ANKDD1A: variants seen among roughly 807,000 people sequenced by gnomAD.
ANKDD1A encodes the protein ankyrin repeat and death domain-containing protein 1A.
Under a neutral mutation model 63.5 loss-of-function variants are expected in ANKDD1A, and 59 were observed. That is an observed-to-expected ratio of 0.93 (90% confidence interval 0.75 to 1.15). The LOEUF (loss-of-function observed/expected upper bound fraction) is 1.15, where lower values mean the gene tolerates loss of function less well. ANKDD1A is among the 50% of genes most tolerant of loss of function. The pLI is 0.00. For missense variants in ANKDD1A, 632 were observed against 656.4 expected, an observed-to-expected ratio of 0.96 and a Z score of 0.41; for synonymous variants, 266 against 263.9, an observed-to-expected ratio of 1.01 and a Z score of -0.08.
At chr15:64,934,624 T>C (rs1422456006) in intron 9 of ANKDD1A, among the ~76,000 whole-genome samples, 1 of 150,354 alleles carries the variant, frequency 6.7e-6, no homozygotes, top group African/African-American at 2.4e-5. Flanking sequence ...CTCAGCCTCC[T>C]GAATAGCTGG....
intron 13 of ANKDD1A, 80 bp downstream of exon 13, chr15:64,947,673 C>T: frequency 1.3e-6 from 2 of 1,508,326 alleles, no homozygotes; most frequent in African/African-American, 1.4e-5. Context: ...GTTTTCTGTG[C>T]TTCTGGTGAA....
chr15:64,951,720 C>CATTCTTCCTTTCTTTTCTTTTTCTTT (rs1276132353), intron 14 of ANKDD1A, among the ~76,000 whole-genome samples: 25 of 136,354 alleles, frequency 1.8e-4, no homozygotes, highest in East Asian at 4.3e-4. Context: ...TCTTTTTCTT[C>CATTCTTCCTTTCTTTTCTTTTTCTTT]CCTTTTCTTC....
intron 2 of ANKDD1A, among the ~76,000 whole-genome samples, chr15:64,916,421 G>A (rs988292862): frequency 6.6e-6 from 1 of 151,704 alleles, no homozygotes; most frequent in Non-Finnish European, 1.5e-5. Context: ...ACCTTCCTGG[G>A]CTCAGTTGAT....
At chr15:64,930,025 A>T (rs1436814819) in intron 6 of ANKDD1A, among the ~76,000 whole-genome samples, 3 of 152,184 alleles carry the variant, frequency 2.0e-5, no homozygotes, top group Non-Finnish European at 4.4e-5. Flanking sequence ...GGTCTCCCTC[A>T]TAAGTGGGAG....
intron 9 of ANKDD1A, among the ~76,000 whole-genome samples, chr15:64,935,561 G>T (rs1595852098): frequency 6.6e-6 from 1 of 152,022 alleles, no homozygotes. Context: ...TGTAGTCCCA[G>T]CTACTCAGGA....
At position 64,915,847 on chromosome 15, in the gene ANKDD1A, G is replaced by A. The variant is rs200114325; in HGVS notation, c.85G>A (p.Gly29Ser). ...CGAGGCCGCCCGCCAGAACAATGTC[G>A]GCAGGATGCAGGAGCTGATTGGGAG... is the stretch of plus-strand genomic sequence containing the variant. The part of the protein sequence containing the change: ...LHEAARQNNV[G>S]RMQELIGRRV... The change falls in exon 2 of 15, where the codon GGC (glycine) becomes AGC (serine). Residue 29 changes from glycine (G) to serine (S), a missense_variant. Coordinates refer to ENST00000319580, the MANE Select transcript of ANKDD1A (RefSeq NM_182703.6). 7.5e-4 allele frequency: 1,212 copies of A among 1,613,958 alleles called. 2 individuals are homozygous for A. The highest frequency in any genetic ancestry group is 8.2e-4 in the Non-Finnish European group (968 of 1,180,000).
At chr15:64,952,208 T>TC in intron 14 of ANKDD1A, among the ~76,000 whole-genome samples, 8 of 149,474 alleles carry the variant, frequency 5.4e-5, no homozygotes, top group African/African-American at 2.0e-4. Flanking sequence ...TCTTCTTTCC[T>TC]CTTTCTTCTT....
rs2140383970 is a variant in ANKDD1A, at chr15:64,949,883, T to C, written c.1394T>C (p.Ile465Thr). Residue 465 changes from isoleucine (I) to threonine (T), a missense_variant, in exon 14 of 15, where the codon ATT (isoleucine) becomes ACT (threonine). Coordinates refer to ENST00000319580, the MANE Select transcript of ANKDD1A (RefSeq NM_182703.6). ...YQEHGHRMLL[I>T]WLHGVATAGE... ...GAGCACGGCCACCGAATGCTGCTCA[T>C]TTGGCTGCATGGCGTGGCCACGGCT... is the stretch of plus-strand genomic sequence containing the variant. The C allele has an allele frequency of 6.2e-7, 1 of 1,605,808 alleles. No individual in the cohort carries two copies. The highest frequency in any genetic ancestry group is 1.7e-5 in the Admixed American group (1 of 60,022).
At chr15:64,926,791 A>T (rs2085048484) in intron 5 of ANKDD1A, 110 bp from the exon 6 acceptor site, 1 of 1,112,050 alleles carries the variant, frequency 9.0e-7, no homozygotes, top group African/African-American at 1.5e-5. Flanking sequence ...CTGGGGCAGG[A>T]GAGGCCACTA....
intron 5 of ANKDD1A, 41 bp downstream of exon 5, chr15:64,926,211 G>A (rs1447467676): frequency 7.0e-6 from 11 of 1,576,464 alleles, no homozygotes; most frequent in Non-Finnish European, 7.8e-6. Flanking sequence ...CCATTGGGCG[G>A]GGGGCTCCTG....
rs2085264465 is a variant in ANKDD1A, at chr15:64,950,809, G to A, written c.1483+837G>A. 3.8e-6 allele frequency: 4 copies of A among 1,046,622 alleles called. No homozygotes were observed. In the African/African-American group the frequency reaches 5.4e-5, roughly 14 times the overall value. 64.8% of individuals were successfully genotyped at this position (1,046,622 alleles called of 1,614,324 possible). ...CTCATTTCAGGGTAGAGAGATTAGG[G>A]ACGCTACCTTTCTTTCCCCAAAATG... On this transcript the variant is annotated intron_variant, in intron 14 of 14. Coordinates refer to ENST00000319580, the MANE Select transcript of ANKDD1A (RefSeq NM_182703.6).
chr15:64,939,732 A>G (rs1188720823), intron 9 of ANKDD1A, among the ~76,000 whole-genome samples: 1 of 152,254 alleles, frequency 6.6e-6, no homozygotes, highest in Non-Finnish European at 1.5e-5. Context: ...TGCAAAAGCA[A>G]TTCAGTGGAA....
intron 9 of ANKDD1A, among the ~76,000 whole-genome samples, chr15:64,938,884 G>A (rs755715597): frequency 4.0e-5 from 6 of 151,436 alleles, no homozygotes; most frequent in Admixed American, 6.6e-5. Context: ...GGCGGAGGTC[G>A]CAGTGAGCCG....
chr15:64,930,443 C>T (rs1595850224), intron 6 of ANKDD1A, among the ~76,000 whole-genome samples: 1 of 152,024 alleles, frequency 6.6e-6, no homozygotes, highest in East Asian at 1.9e-4. Flanking sequence ...GAGAAACTAA[C>T]GTCTCACACA....
At chr15:64,936,597 G>A (rs1245160998) in intron 9 of ANKDD1A, among the ~76,000 whole-genome samples, 2 of 152,240 alleles carry the variant, frequency 1.3e-5, no homozygotes, top group East Asian at 3.9e-4. Context: ...CCAACACTTT[G>A]GAAGGCTGAG....
At chr15:64,943,691 T>G in intron 11 of ANKDD1A, 109 bp downstream of exon 11, 1 of 1,046,388 alleles carries the variant, frequency 9.6e-7, no homozygotes, top group Non-Finnish European at 1.5e-6. Flanking sequence ...GTTCAAGGAC[T>G]GTCATCCTTT....
At position 64,922,034 on chromosome 15, in the gene ANKDD1A, G is replaced by C. The variant is rs753865851; in HGVS notation, c.366+15G>C. ...GTGAGAGCAAGGTAAGGCCTCAGCT[G>C]GTAGACCCCTGTCCCCTCGGCTCCC... On this transcript the variant is annotated intron_variant, in intron 4 of 14. Coordinates refer to ENST00000319580, the MANE Select transcript of ANKDD1A (RefSeq NM_182703.6). 1.2e-6 allele frequency: 2 copies of C among 1,611,952 alleles called. No homozygotes were observed. The highest frequency in any genetic ancestry group is 2.2e-5 in the South Asian group (2 of 90,938).
chr15:64,940,383 G>A (rs993520979), intron 9 of ANKDD1A, among the ~76,000 whole-genome samples: 1 of 150,182 alleles, frequency 6.7e-6, no homozygotes, highest in Non-Finnish European at 1.5e-5. Context: ...CCATGGTGGG[G>A]ATAGGATGAT....
chr15:64,936,229 C>G (rs957444893), intron 9 of ANKDD1A, among the ~76,000 whole-genome samples: 4 of 152,006 alleles, frequency 2.6e-5, no homozygotes, highest in Non-Finnish European at 4.4e-5. Flanking sequence ...CCTAGAAAAG[C>G]AAGGACTTTT....
Sources: allele counts gnomAD v4.1 joint callset (sites outside exome capture counted in the v4.1 genomes callset), GRCh38; gene constraint gnomAD v4.1.1; transcripts MANE v1.5; gene names NCBI Gene and HGNC (gene_info 2026-07-23, HGNC 2026-07-21).